ASXL2: variants seen among roughly 807,000 people sequenced by gnomAD.
ASXL2 encodes the protein putative Polycomb group protein ASXL2.
A neutral mutation model predicts 122.0 loss-of-function variants in ASXL2; 23 were observed. The observed-to-expected ratio is 0.19, with a 90% confidence interval of 0.14 to 0.27. ASXL2 has a LOEUF of 0.27. Among genes scored for constraint, ASXL2 ranks in the 10% least tolerant of loss-of-function variants. ASXL2 has a pLI of 1.00. For missense variants in ASXL2, 1,518 were observed against 1,713.8 expected, an observed-to-expected ratio of 0.89 and a Z score of 2.02; for synonymous variants, 650 against 637.0, an observed-to-expected ratio of 1.02 and a Z score of -0.31.
chr2:25,845,342 G>A lies in ASXL2; in HGVS notation c.140+139C>T, dbSNP rs763019138. The A allele has an allele frequency of 4.4e-6, 6 of 1,357,500 alleles. No individual in the cohort carries two copies. In the East Asian group the frequency reaches 1.7e-4, roughly 38 times the overall value. The allele number at this position is 1,357,500 out of a possible 1,614,324, so 84.1% of individuals were successfully genotyped here. A position where few individuals can be genotyped will look rare whatever the true frequency, so the allele number is the denominator to read the frequency against. On this transcript the variant is annotated intron_variant, in intron 2 of 12. Transcript: ENST00000435504. ...AAAACTATGTAATGACTTAAAAAATGCCAAAGATCTGACATCTGATCAGAA... is the reference window on the plus strand; with the variant it reads ...AAAACTATGTAATGACTTAAAAAATACCAAAGATCTGACATCTGATCAGAA...
At chr2:25,771,594 C>T in intron 5 of ASXL2, 54 bp from the exon 6 acceptor site, 3 of 1,376,218 alleles carry the variant, frequency 2.2e-6, no homozygotes, top group Non-Finnish European at 3.0e-6. Context: ...ATACCAAGCA[C>T]CATTCCTTCC....
At chr2:25,806,104 C>A (rs1222897521) in intron 4 of ASXL2, 125 bp downstream of exon 4, 26 of 603,196 alleles carry the variant, frequency 4.3e-5, no homozygotes, top group Non-Finnish European at 7.6e-5. Flanking sequence ...GTAGAGGTTT[C>A]AAAATATTAC....
At chr2:25,745,095 T>A (rs2087919615) in intron 12 of ASXL2, among the ~76,000 whole-genome samples, 1 of 152,112 alleles carries the variant, frequency 6.6e-6, no homozygotes, top group African/African-American at 2.4e-5. Context: ...ATGTACATAA[T>A]GTTTGCCAGC....
intron 1 of ASXL2, among the ~76,000 whole-genome samples, chr2:25,847,563 G>A (rs1323756108): frequency 6.6e-6 from 1 of 152,168 alleles, no homozygotes; most frequent in South Asian, 2.1e-4. Context: ...AACTTTAGAT[G>A]TCCAAAGTTA....
chr2:25,788,170 A>G (rs1285459201), intron 5 of ASXL2, among the ~76,000 whole-genome samples: 2 of 152,206 alleles, frequency 1.3e-5, no homozygotes, highest in African/African-American at 4.8e-5. Context: ...TACGGGGTGA[A>G]AGGAATAAAA....
At chr2:25,781,993 CAG>C (rs1348821899) in intron 5 of ASXL2, among the ~76,000 whole-genome samples, 1 of 100,996 alleles carries the variant, frequency 9.9e-6, no homozygotes, top group Non-Finnish European at 1.9e-5. Flanking sequence ...TTTGTAGAGA[CAG>C]AGTCTCGCTA....
chr2:25,743,378 C>T lies in ASXL2; in HGVS notation c.2959G>A (p.Glu987Lys). ...GCTATGAGCGCTCCCATCCCCCTTT[C>T]CTCTTTTGCAGTCAGTGGAACCGTT... ...MKTVPLTAKEERGMGALIATN... is the reference protein window; with the variant it reads ...MKTVPLTAKEKRGMGALIATN... The change falls in exon 13 of 13, where the codon GAA (glutamate) becomes AAA (lysine). Residue 987 changes from glutamate to lysine, a missense_variant. Transcript: ENST00000435504. 1 of 1,613,924 alleles carries T rather than the reference C, an allele frequency of 6.2e-7. No individual in the cohort carries two copies. The highest frequency in any genetic ancestry group is 8.5e-7 in the Non-Finnish European group (1 of 1,179,886).
chr2:25,853,669 C>T (rs1193740607), intron 1 of ASXL2, among the ~76,000 whole-genome samples: 1 of 151,998 alleles, frequency 6.6e-6, no homozygotes, highest in South Asian at 2.1e-4. Flanking sequence ...CTCACTCTGT[C>T]GCCCAAGGTG....
chr2:25,824,477 G>A (rs1429794900), intron 3 of ASXL2, among the ~76,000 whole-genome samples: 3 of 149,494 alleles, frequency 2.0e-5, no homozygotes, highest in Admixed American at 6.6e-5. Flanking sequence ...TAGTGTGCAC[G>A]TACACACACA....
chr2:25,798,953 G>A (rs2088952266), intron 5 of ASXL2, among the ~76,000 whole-genome samples: 1 of 152,168 alleles, frequency 6.6e-6, no homozygotes, highest in African/African-American at 2.4e-5. Flanking sequence ...CATGGACTCT[G>A]GGTGATGATG....
chr2:25,874,450 C>T (rs1016727567), intron 1 of ASXL2, among the ~76,000 whole-genome samples: 1 of 151,406 alleles, frequency 6.6e-6, no homozygotes, highest in African/African-American at 2.4e-5. Flanking sequence ...GATCACGCCA[C>T]TGCATTCCAG....
intron 5 of ASXL2, among the ~76,000 whole-genome samples, chr2:25,798,764 C>CA (rs919022978): frequency 2.6e-5 from 4 of 151,774 alleles, no homozygotes; most frequent in South Asian, 2.1e-4. Context: ...AACTCCGTCT[C>CA]AAAAAAAAGT....
In ASXL2 at chr2:25,741,722, GTAATAC is replaced by G. The variant is rs2087830516; in HGVS notation, c.*301_*306del. Reference sequence around the variant, plus strand: ...AGTAGAACATTAATCTGAATTCAAAGTAATACATTATTACCTAAACACTTGGAAAAA... The same window carrying G: ...AGTAGAACATTAATCTGAATTCAAAGATTATTACCTAAACACTTGGAAAAA... On this transcript the variant is annotated 3_prime_UTR_variant, in exon 13 of 13. Coordinates refer to ENST00000435504, the MANE Select transcript of ASXL2 (RefSeq NM_018263.6). 1 of 335,360 alleles carries G rather than the reference GTAATAC, an allele frequency of 3.0e-6. No homozygotes were observed. Among genetic ancestry groups the G allele is most frequent in the Non-Finnish European group, 5.5e-6 (1 of 180,920 alleles). 20.8% of individuals were successfully genotyped at this position (335,360 alleles called of 1,614,324 possible). A position where few individuals can be genotyped will look rare whatever the true frequency, so the allele number is the denominator to read the frequency against.
intron 5 of ASXL2, among the ~76,000 whole-genome samples, chr2:25,786,751 G>T (rs2088754994): frequency 6.6e-6 from 1 of 152,028 alleles, no homozygotes; most frequent in South Asian, 2.1e-4. Context: ...CTACTCAGGA[G>T]GCCAAGGCAT....
Position 25,742,212 on chromosome 2 carries a change from G to A in ASXL2, c.4125C>T (p.Pro1375=). 2.5e-6 allele frequency: 4 copies of A among 1,614,002 alleles called. No individual in the cohort carries two copies. Among genetic ancestry groups the A allele is most frequent in the Non-Finnish European group, 3.4e-6 (4 of 1,179,880 alleles). The change falls in exon 13 of 13, where the codon CCC becomes CCT. Residue 1375 remains proline, a synonymous_variant. Coordinates refer to ENST00000435504, the MANE Select transcript of ASXL2 (RefSeq NM_018263.6). ...CAGGAATGGTCTGGCCATGGCTGCTGGGATTCATAGCTTGGCTAGCAGGGA... is the reference window on the plus strand; with the variant it reads ...CAGGAATGGTCTGGCCATGGCTGCTAGGATTCATAGCTTGGCTAGCAGGGA... The part of the protein sequence containing the change: ...TTIPASQAMN[P]SSHGQTIPVQ...
chr2:25,828,533 A>G (rs957663327), intron 3 of ASXL2, among the ~76,000 whole-genome samples: 1 of 145,916 alleles, frequency 6.9e-6, no homozygotes, highest in African/African-American at 2.6e-5. Flanking sequence ...AAAAGAAAAG[A>G]TCCTTGTCCA....
intron 1 of ASXL2, among the ~76,000 whole-genome samples, chr2:25,867,324 A>G (rs949065292): frequency 6.6e-6 from 1 of 152,150 alleles, no homozygotes; most frequent in Non-Finnish European, 1.5e-5. Flanking sequence ...AGAAAAGTAG[A>G]AGGCCAGGTG....
intron 3 of ASXL2, among the ~76,000 whole-genome samples, chr2:25,831,972 A>G (rs976558510): frequency 6.6e-6 from 1 of 152,246 alleles, no homozygotes; most frequent in African/African-American, 2.4e-5. Flanking sequence ...AGAACTGTCA[A>G]TTGTGAATTC....
Position 25,743,387 on chromosome 2 carries a change from C to A in ASXL2, c.2950G>T (p.Ala984Ser). ...KVEMKTVPLT[A>S]KEERGMGALI... ...GCTCCCATCCCCCTTTCCTCTTTTG[C>A]AGTCAGTGGAACCGTTTTCATTTCA... is the stretch of plus-strand genomic sequence containing the variant. The change falls in exon 13 of 13, where the codon GCA becomes TCA. Residue 984 changes from alanine (A) to serine (S), a missense_variant. By Grantham distance (99) the Ala-to-Ser change is moderately conservative. Transcript: ENST00000435504. 1 of 1,613,936 alleles carries A rather than the reference C, an allele frequency of 6.2e-7. No individual in the cohort carries two copies. The highest frequency in any genetic ancestry group is 8.5e-7 in the Non-Finnish European group (1 of 1,179,884).
Sources: allele counts gnomAD v4.1 joint callset (sites outside exome capture counted in the v4.1 genomes callset), GRCh38; gene constraint gnomAD v4.1.1; transcripts MANE v1.5; gene names NCBI Gene and HGNC (gene_info 2026-07-23, HGNC 2026-07-21).